The following TENM3 variants were observed in gnomAD, a reference collection of about 807,000 sequenced individuals.
TENM3 encodes teneurin transmembrane protein 3.
A neutral mutation model predicts 255.1 loss-of-function variants in TENM3; 63 were observed. The ratio of observed to expected loss-of-function variants is 0.25; its 90% CI spans 0.20 to 0.30. The LOEUF (loss-of-function observed/expected upper bound fraction) is 0.30, where lower values mean the gene tolerates loss of function less well. TENM3 is among the 10% of genes least tolerant of loss of function. The pLI is 1.00. For synonymous variants in TENM3, 1,306 were observed against 1,322.3 expected, an observed-to-expected ratio of 0.99 and a Z score of 0.27; for missense variants, 2,929 against 3,461.1, an observed-to-expected ratio of 0.85 and a Z score of 3.86.
chr4:182,194,581 T>C (rs932896166), intron 1 of TENM3, among the ~76,000 whole-genome samples: 1 of 152,120 alleles, frequency 6.6e-6, no homozygotes, highest in Non-Finnish European at 1.5e-5. Flanking sequence ...TGAACCAAAA[T>C]ATCAAAAGAC....
chr4:181,969,818 T>C, the TENM3 span, among the ~76,000 whole-genome samples: 3 of 152,220 alleles, frequency 2.0e-5, no homozygotes, highest in Non-Finnish European at 4.4e-5. Flanking sequence ...CCCAGGTGCG[T>C]AAACATTTTG....
chr4:182,497,843 A>AATACATAT, intron 3 of TENM3, among the ~76,000 whole-genome samples: 1 of 90,108 alleles, frequency 1.1e-5, no homozygotes, highest in East Asian at 3.0e-4. Flanking sequence ...CTCTACTAAA[A>AATACATAT]ATACATATAT....
chr4:182,665,278 C>T (rs973845230), intron 6 of TENM3, among the ~76,000 whole-genome samples: 1 of 152,156 alleles, frequency 6.6e-6, no homozygotes, highest in African/African-American at 2.4e-5. Context: ...TGGATGACAG[C>T]ACATCTGTTT....
chr4:181,845,833 C>T, the TENM3 span, among the ~76,000 whole-genome samples: 2 of 152,184 alleles, frequency 1.3e-5, no homozygotes, highest in Non-Finnish European at 2.9e-5. Context: ...AGCGGGTGTT[C>T]CTGAATCCTG....
At chr4:181,967,306 C>G in the TENM3 span, among the ~76,000 whole-genome samples, 1 of 152,216 alleles carries the variant, frequency 6.6e-6, no homozygotes, top group East Asian at 1.9e-4. Flanking sequence ...AGTTCTGTAA[C>G]CCCCAGCTTA....
At chr4:182,526,418 CCTT>C (rs1290478225) in intron 3 of TENM3, among the ~76,000 whole-genome samples, 13 of 152,090 alleles carry the variant, frequency 8.5e-5, no homozygotes, top group Admixed American at 7.9e-4. Flanking sequence ...ATGACATTCC[CCTT>C]CTTTTTTCAC....
intron 3 of TENM3, among the ~76,000 whole-genome samples, chr4:182,548,023 G>A (rs761546607): frequency 1.3e-5 from 2 of 151,972 alleles, no homozygotes; most frequent in Admixed American, 6.6e-5. Context: ...TTTGAGACCA[G>A]CCTGGACAAC....
chr4:181,996,872 G>T, the TENM3 span, among the ~76,000 whole-genome samples: 1 of 151,970 alleles, frequency 6.6e-6, no homozygotes, highest in Admixed American at 6.6e-5. Flanking sequence ...AAAGGAGACT[G>T]TCTGGGAAGC....
intron 5 of TENM3, among the ~76,000 whole-genome samples, chr4:182,638,523 A>G (rs1752039118): frequency 6.6e-6 from 1 of 152,184 alleles, no homozygotes; most frequent in African/African-American, 2.4e-5. Context: ...TGTACAGTCT[A>G]TACAGTGACT....
At chr4:182,464,886 A>T (rs1024422862) in intron 3 of TENM3, among the ~76,000 whole-genome samples, 1 of 152,152 alleles carries the variant, frequency 6.6e-6, no homozygotes, top group Admixed American at 6.5e-5. Flanking sequence ...ATTCAATTAG[A>T]AGGTTTTTAA....
At chr4:182,217,009 C>CTTTT (rs3071526) in intron 1 of TENM3, among the ~76,000 whole-genome samples, 1,261 of 67,570 alleles carry the variant, frequency 0.019, 20 homozygotes, top group East Asian at 0.071. Context: ...CATTTTCTTT[C>CTTTT]TTTTTTTTTT....
the TENM3 span, among the ~76,000 whole-genome samples, chr4:181,728,132 T>C: frequency 6.6e-6 from 1 of 152,174 alleles, no homozygotes. Flanking sequence ...GTTGAAAAGA[T>C]GGTGGTGTTC....
At chr4:182,374,691 A>AC (rs1767060507) in intron 3 of TENM3, among the ~76,000 whole-genome samples, 2 of 152,138 alleles carry the variant, frequency 1.3e-5, no homozygotes, top group African/African-American at 2.4e-5. Flanking sequence ...TCCTGAGTAT[A>AC]TAGGAGGTGT....
chr4:182,695,092 C>T (rs1757299988), intron 12 of TENM3, among the ~76,000 whole-genome samples: 1 of 152,118 alleles, frequency 6.6e-6, no homozygotes, highest in Non-Finnish European at 1.5e-5. Context: ...TTTTAAGTCA[C>T]ATTTTGTTTA....
intron 12 of TENM3, among the ~76,000 whole-genome samples, chr4:182,704,812 T>C (rs1219267428): frequency 6.9e-6 from 1 of 145,674 alleles, no homozygotes; most frequent in East Asian, 2.1e-4. Context: ...CACACATGCA[T>C]ACACACAAAC....
the TENM3 span, among the ~76,000 whole-genome samples, chr4:181,505,232 T>A: frequency 6.6e-6 from 1 of 152,242 alleles, no homozygotes; most frequent in African/African-American, 2.4e-5. Flanking sequence ...GAAATGGCAC[T>A]GTTTGCTCTT....
chr4:182,018,909 G>C, the TENM3 span, among the ~76,000 whole-genome samples: 3 of 152,274 alleles, frequency 2.0e-5, no homozygotes, highest in African/African-American at 7.2e-5. Flanking sequence ...AAAAGACTAA[G>C]GGAGTTTCCC....
At chr4:181,676,357 A>G in the TENM3 span, among the ~76,000 whole-genome samples, 1 of 152,074 alleles carries the variant, frequency 6.6e-6, no homozygotes, top group South Asian at 2.1e-4. Context: ...AACTTTGGAA[A>G]ATGCTAGGAA....
chr4:182,676,487 C>G (rs1364336120), intron 7 of TENM3, among the ~76,000 whole-genome samples: 1 of 152,166 alleles, frequency 6.6e-6, no homozygotes. Flanking sequence ...TCTGTAAAAT[C>G]TCTTTAGTCT....
Sources: gnomAD v4.1 joint callset for allele counts (sites outside exome capture counted in the v4.1 genomes callset) on GRCh38, gnomAD v4.1.1 for gene constraint, MANE v1.5 for transcripts, NCBI Gene and HGNC (gene_info 2026-07-23, HGNC 2026-07-21) for gene names.